CPPED1: variants seen among roughly 807,000 people sequenced by gnomAD.
CPPED1 encodes serine/threonine-protein phosphatase CPPED1.
In CPPED1, 28 loss-of-function variants were observed where a neutral mutation model predicts 28.0. The ratio of observed to expected loss-of-function variants is 1.00; its 90% CI spans 0.74 to 1.37. The LOEUF is 1.37. Ranked by LOEUF, CPPED1 falls within the 40% of genes most tolerant of loss-of-function variation. The pLI, the probability that CPPED1 is intolerant of heterozygous loss-of-function variation, is 0.00. For missense variants in CPPED1, 504 were observed against 416.5 expected, an observed-to-expected ratio of 1.21 and a Z score of -1.83; for synonymous variants, 198 against 180.2, an observed-to-expected ratio of 1.10 and a Z score of -0.79.
rs1246319393 is a variant in CPPED1, at chr16:12,660,495, A to ATGTGTGTG, written c.*4390_*4391insCACACACA. On this transcript the variant is annotated 3_prime_UTR_variant, in exon 4 of 4. Transcript: ENST00000381774. The stretch of plus-strand genomic sequence containing the variant: ...AAGAAAAGAATCCTCCACTTTTACT[A>ATGTGTGTG]TATGTGTGTGTGTGTGTGTGTGTGT... 1.5e-5 allele frequency: 2 copies of ATGTGTGTG among 136,064 alleles called. No homozygotes were observed. Among genetic ancestry groups the ATGTGTGTG allele is most frequent in the African/African-American group, 6.0e-5 (2 of 33,332 alleles). The allele number at this position is 136,064 out of a possible 1,614,324, so 8.4% of individuals were successfully genotyped here.
intron 1 of CPPED1, among the ~76,000 whole-genome samples, chr16:12,801,744 G>A (rs116340936): frequency 0.012 from 1,804 of 152,230 alleles, 38 homozygotes; most frequent in African/African-American, 0.041. Context: ...GAAATAGTTG[G>A]CATTCTCAAA....
intron 2 of CPPED1, among the ~76,000 whole-genome samples, chr16:12,734,058 G>GTTATTTT (rs2080213420): frequency 1.6e-5 from 1 of 64,410 alleles, no homozygotes; most frequent in African/African-American, 8.5e-5. Context: ...CAAATTACAC[G>GTTATTTT]TTTTTTTTTT....
At chr16:12,734,072 T>G (rs1489589148) in intron 2 of CPPED1, among the ~76,000 whole-genome samples, 21 of 123,268 alleles carry the variant, frequency 1.7e-4, no homozygotes, top group African/African-American at 5.1e-4. Context: ...TTTTTTTTTT[T>G]TTTTTTTTTT....
chr16:12,660,702 A>T lies in CPPED1; in HGVS notation c.*4184T>A, dbSNP rs947787901. 1.3e-5 allele frequency: 2 copies of T among 152,354 alleles called. No homozygotes were observed. Among genetic ancestry groups the T allele is most frequent in the South Asian group, 4.1e-4 (2 of 4,828 alleles). The allele number at this position is 152,354 out of a possible 1,614,324, so 9.4% of individuals were successfully genotyped here. On this transcript the variant is annotated 3_prime_UTR_variant, in exon 4 of 4. Coordinates refer to ENST00000381774, the MANE Select transcript of CPPED1 (RefSeq NM_018340.3). ...TCTATTACAGAAAGCTTTTAACAGA[A>T]CTTGCCTTGGCAATTTACTCCTAAA...
In CPPED1 at chr16:12,664,959, CG is replaced by C; in HGVS notation, c.871del (p.Arg291AspfsTer5). The C allele has an allele frequency of 6.2e-7, 1 of 1,611,300 alleles. No individual in the cohort carries two copies. The highest frequency in any genetic ancestry group is 8.5e-7 in the Non-Finnish European group (1 of 1,179,088). On this transcript the variant is annotated frameshift_variant, in exon 4 of 4. Transcript: ENST00000381774. LOFTEE classifies it high-confidence loss of function. This position sits in a 1 kb window ranked among gnomAD's most constrained non-coding sequence, Gnocchi z 4.2. ...VVVTAEKIVH[R>X]YYSLDELSEK... ...ACTCAGCTCATCTAGACTGTAGTATCGGTGAACAATTTTCTCGGCGGTGACC... is the reference window on the plus strand; with the variant it reads ...ACTCAGCTCATCTAGACTGTAGTATCGTGAACAATTTTCTCGGCGGTGACC...
rs1041684832 is a variant in CPPED1, at chr16:12,682,373, T to A, written c.716-17258A>T. Among the ~76,000 whole-genome samples the A allele has an allele frequency of 3.9e-5, 6 of 152,156 alleles. No individual in the cohort carries two copies. The highest frequency in any genetic ancestry group is 1.4e-4 in the African/African-American group (6 of 41,438). On this transcript the variant is annotated intron_variant, in intron 3 of 3. Transcript: ENST00000381774. This position sits in a 1 kb window ranked among gnomAD's most constrained non-coding sequence, Gnocchi z 6.1. Reference sequence around the variant, plus strand: ...TTCTACATGGGGGGCTATGCTCAACTTTTTATTTTTTCCCCTTCCTGATGA... The same window carrying A: ...TTCTACATGGGGGGCTATGCTCAACATTTTATTTTTTCCCCTTCCTGATGA...
chr16:12,747,990 C>T (rs193224172), intron 2 of CPPED1, among the ~76,000 whole-genome samples: 1 of 152,246 alleles, frequency 6.6e-6, no homozygotes, highest in Non-Finnish European at 1.5e-5. Context: ...AAATTAGAAG[C>T]CCAACAACTG....
rs1354926878 is a variant in CPPED1 at position 12,704,919 on chromosome 16, C to T, written c.420G>A (p.Glu140=). Residue 140 remains glutamate, a synonymous_variant, in exon 3 of 4, where the codon GAG becomes GAA. Coordinates refer to ENST00000381774, the MANE Select transcript of CPPED1 (RefSeq NM_018340.3). ...IGNTPTAETV[E]EFCRTWGDDY... is the part of the protein sequence containing the mutation. ...CATCTCCCCAAGTCCGGCAGAACTC[C>T]TCGACGGTCTCGGCCGTGGGGGTGT... 1.9e-6 allele frequency: 3 copies of T among 1,614,146 alleles called. No homozygotes were observed. The Admixed American group carries it at 5.0e-5, about 27-fold the overall frequency.
chr16:12,734,114 G>A lies in CPPED1; in HGVS notation c.290-29065C>T, dbSNP rs111982658. On this transcript the variant is annotated intron_variant, in intron 2 of 3. Coordinates refer to ENST00000381774, the MANE Select transcript of CPPED1 (RefSeq NM_018340.3). ...GAGACGAGTCATGCTCTGTCACCCA[G>A]GCTGGAGTGCAGTGGCACGATCTCG... Among the ~76,000 whole-genome samples, 933 of 126,018 alleles carry A rather than the reference G, an allele frequency of 7.4e-3. 4 individuals are homozygous for A. Among genetic ancestry groups the A allele is most frequent in the Middle Eastern group, 0.052 (8 of 154 alleles). 82.7% of individuals were successfully genotyped at this position (126,018 alleles called of 152,430 possible).
rs770049847 is a variant in CPPED1, at chr16:12,682,069, G to A, written c.716-16954C>T. ...ACTTTTTTGAGACAGTGTCTCTCTC[G>A]GTCGCCTATGTTGGAGTGCAGTGGC... On this transcript the variant is annotated intron_variant, in intron 3 of 3. Coordinates refer to ENST00000381774, the MANE Select transcript of CPPED1 (RefSeq NM_018340.3). The surrounding 1 kb of genome is among the most constrained non-coding windows in gnomAD (Gnocchi z 6.1). Among the ~76,000 whole-genome samples the A allele has an allele frequency of 2.6e-5, 4 of 151,968 alleles. No individual in the cohort carries two copies. Among genetic ancestry groups the A allele is most frequent in the East Asian group, 1.9e-4 (1 of 5,186 alleles).
intron 3 of CPPED1, among the ~76,000 whole-genome samples, chr16:12,703,214 A>T (rs1177183299): frequency 6.6e-6 from 1 of 152,200 alleles, no homozygotes; most frequent in Non-Finnish European, 1.5e-5. Context: ...ACTTAATAGA[A>T]GTTTTCTAAC....
At chr16:12,777,832 T>C (rs2080506184) in intron 2 of CPPED1, among the ~76,000 whole-genome samples, 1 of 151,386 alleles carries the variant, frequency 6.6e-6, no homozygotes, top group African/African-American at 2.4e-5. Context: ...AGTACTATAA[T>C]AGATATTTAT....
At chr16:12,669,504 CA>C (rs1411975415) in intron 3 of CPPED1, among the ~76,000 whole-genome samples, 1 of 151,800 alleles carries the variant, frequency 6.6e-6, no homozygotes, top group Non-Finnish European at 1.5e-5. Context: ...AATAAAAATG[CA>C]AAAAATTTAC....
intron 2 of CPPED1, among the ~76,000 whole-genome samples, chr16:12,724,111 G>A (rs901023769): frequency 6.6e-6 from 1 of 152,112 alleles, no homozygotes; most frequent in Non-Finnish European, 1.5e-5. Context: ...GGTTCCCTCT[G>A]GGGCTTCCTC....
At chr16:12,778,914 T>A (rs140958172) in intron 2 of CPPED1, among the ~76,000 whole-genome samples, 1 of 152,292 alleles carries the variant, frequency 6.6e-6, no homozygotes, top group African/African-American at 2.4e-5. Context: ...AAATTCACGT[T>A]CAAAAGTTTG....
chr16:12,677,514 C>T (rs938151537), intron 3 of CPPED1, among the ~76,000 whole-genome samples: 7 of 152,144 alleles, frequency 4.6e-5, no homozygotes, highest in Non-Finnish European at 2.9e-5. Flanking sequence ...TGGTGGTGGG[C>T]GTCAGTAATC....
intron 3 of CPPED1, among the ~76,000 whole-genome samples, chr16:12,666,822 A>G (rs780282934): frequency 9.2e-5 from 14 of 152,224 alleles, no homozygotes; most frequent in Non-Finnish European, 1.6e-4. Context: ...CTGAGTTTAT[A>G]TAATTATTAA....
chr16:12,676,632 T>C (rs2079879285), intron 3 of CPPED1, among the ~76,000 whole-genome samples: 1 of 152,192 alleles, frequency 6.6e-6, no homozygotes, highest in Non-Finnish European at 1.5e-5. Context: ...AAGATCACCG[T>C]GCCATAGGCC....
chr16:12,688,772 G>A (rs1225722292), intron 3 of CPPED1, among the ~76,000 whole-genome samples: 1 of 152,130 alleles, frequency 6.6e-6, no homozygotes, highest in Non-Finnish European at 1.5e-5. Flanking sequence ...AGGAACACGT[G>A]GGAACATGCA....
Sources: allele counts gnomAD v4.1 joint callset (sites outside exome capture counted in the v4.1 genomes callset), GRCh38; gene constraint gnomAD v4.1.1; non-coding constraint Gnocchi (gnomAD v3.1); transcripts MANE v1.5; gene names NCBI Gene and HGNC (gene_info 2026-07-23, HGNC 2026-07-21).